The following AFG2A variants were observed in gnomAD, a reference collection of about 807,000 sequenced individuals.
AFG2A encodes ATPase family gene 2 protein homolog A.
At chr4:123,158,532 T>A in the AFG2A span, among the ~76,000 whole-genome samples, 2 of 152,164 alleles carry the variant, frequency 1.3e-5, no homozygotes, top group Non-Finnish European at 2.9e-5. Flanking sequence ...GTATTTCATC[T>A]CTCTTCATCT....
chr4:123,219,872 A>AT, the AFG2A span, among the ~76,000 whole-genome samples: 1,883 of 151,568 alleles, frequency 0.012, 14 homozygotes, highest in African/African-American at 0.018. Flanking sequence ...GTTGAAAAAA[A>AT]ATTTTTTTTT....
the AFG2A span, among the ~76,000 whole-genome samples, chr4:123,167,565 TCTCG>T: frequency 6.6e-6 from 1 of 152,146 alleles, no homozygotes; most frequent in Non-Finnish European, 1.5e-5. Flanking sequence ...GCCAGGATGG[TCTCG>T]CTCTCCTGAC....
At chr4:123,084,649 G>T in the AFG2A span, among the ~76,000 whole-genome samples, 1 of 151,652 alleles carries the variant, frequency 6.6e-6, no homozygotes, top group African/African-American at 2.4e-5. Flanking sequence ...CAGAGACAGA[G>T]ACAGGGTCTT....
At chr4:123,007,568 A>ATGTGTGTGTGTG in the AFG2A span, among the ~76,000 whole-genome samples, 13 of 91,732 alleles carry the variant, frequency 1.4e-4, no homozygotes, top group African/African-American at 4.2e-4. Flanking sequence ...GTGTGTGTAT[A>ATGTGTGTGTGTG]TGTGTGTGTG....
the AFG2A span, among the ~76,000 whole-genome samples, chr4:123,166,837 T>C: frequency 6.6e-6 from 1 of 152,194 alleles, no homozygotes; most frequent in African/African-American, 2.4e-5. Context: ...TTTCTCATAG[T>C]CCAGCTATCA....
chr4:122,933,769 A>G, the AFG2A span, among the ~76,000 whole-genome samples: 4 of 152,144 alleles, frequency 2.6e-5, no homozygotes, highest in African/African-American at 9.7e-5. Flanking sequence ...TGCCCTTTCC[A>G]GTGACAGATG....
At chr4:123,163,056 C>G in the AFG2A span, among the ~76,000 whole-genome samples, 17 of 152,190 alleles carry the variant, frequency 1.1e-4, no homozygotes, top group Non-Finnish European at 1.2e-4. Flanking sequence ...ACTGACCTAG[C>G]TTTGAAGGCT....
At chr4:123,102,977 G>A in the AFG2A span, among the ~76,000 whole-genome samples, 1 of 151,898 alleles carries the variant, frequency 6.6e-6, no homozygotes. Flanking sequence ...ATTGACACAT[G>A]CGTCAGAATA....
the AFG2A span, among the ~76,000 whole-genome samples, chr4:123,255,005 C>G: frequency 6.6e-6 from 1 of 151,996 alleles, no homozygotes; most frequent in African/African-American, 2.4e-5. Flanking sequence ...ATTCTGTCAC[C>G]CAGACTGGAG....
chr4:122,964,900 A>T, the AFG2A span, among the ~76,000 whole-genome samples: 2 of 152,220 alleles, frequency 1.3e-5, no homozygotes, highest in Admixed American at 6.5e-5. Context: ...TGGTACAGCA[A>T]GTGATACTTA....
the AFG2A span, among the ~76,000 whole-genome samples, chr4:123,027,221 T>C: frequency 2.8e-3 from 426 of 152,290 alleles, 3 homozygotes; most frequent in South Asian, 0.014. Flanking sequence ...CTTTCTAGAT[T>C]AAAAAACTTC....
chr4:123,167,601 C>T, the AFG2A span, among the ~76,000 whole-genome samples: 1 of 152,166 alleles, frequency 6.6e-6, no homozygotes, highest in Non-Finnish European at 1.5e-5. Context: ...CCCACCTCGG[C>T]CTCCCAAAGT....
At chr4:122,925,295 G>A in the AFG2A span, among the ~76,000 whole-genome samples, 1 of 152,160 alleles carries the variant, frequency 6.6e-6, no homozygotes, top group African/African-American at 2.4e-5. Flanking sequence ...CCTTTTGACT[G>A]ATTTTCCAGC....
At chr4:122,928,939 C>A in the AFG2A span, 1 of 1,381,464 alleles carries the variant, frequency 7.2e-7, no homozygotes, top group Non-Finnish European at 9.6e-7. Flanking sequence ...CTGTATTTTG[C>A]ATATCTTAAG....
At chr4:123,132,293 C>T in the AFG2A span, among the ~76,000 whole-genome samples, 430 of 152,152 alleles carry the variant, frequency 2.8e-3, 5 homozygotes, top group African/African-American at 9.8e-3. Flanking sequence ...CGCACTTTTC[C>T]CAACCCTTAG....
At chr4:122,945,359 TC>T in the AFG2A span, among the ~76,000 whole-genome samples, 5 of 151,946 alleles carry the variant, frequency 3.3e-5, no homozygotes, top group African/African-American at 1.2e-4. Context: ...CGGGCGCCCC[TC>T]CCCCAGCCTC....
the AFG2A span, among the ~76,000 whole-genome samples, chr4:122,939,635 T>G: frequency 1.3e-4 from 18 of 143,704 alleles, no homozygotes; most frequent in Admixed American, 8.1e-4. Flanking sequence ...CATTTAGAAT[T>G]TTTTTTTTTT....
chr4:123,197,386 A>T, the AFG2A span, among the ~76,000 whole-genome samples: 2 of 152,236 alleles, frequency 1.3e-5, no homozygotes, highest in African/African-American at 4.8e-5. Flanking sequence ...ACAAAAACAA[A>T]TAAGATTTTT....
chr4:123,216,307 G>A, the AFG2A span, among the ~76,000 whole-genome samples: 1 of 152,062 alleles, frequency 6.6e-6, no homozygotes, highest in African/African-American at 2.4e-5. Context: ...TTCCTGGAAG[G>A]TGGTTAATAT....
Sources: allele counts gnomAD v4.1 joint callset (sites outside exome capture counted in the v4.1 genomes callset), GRCh38; gene constraint gnomAD v4.1.1; transcripts MANE v1.5; gene names NCBI Gene and HGNC (gene_info 2026-07-23, HGNC 2026-07-21).